The following ETHE1 variants were observed in gnomAD, a reference collection of about 807,000 sequenced individuals.
The protein encoded by ETHE1 is ETHE1 persulfide dioxygenase, also known as persulfide dioxygenase ETHE1, mitochondrial.
In ETHE1, 16 loss-of-function variants were observed where a neutral mutation model predicts 25.7. The ratio of observed to expected loss-of-function variants is 0.62; its 90% CI spans 0.42 to 0.95. The LOEUF (loss-of-function observed/expected upper bound fraction) is 0.95, where lower values mean the gene tolerates loss of function less well. ETHE1 is among the 40% of genes least tolerant of loss of function. ETHE1 has a pLI of 0.00. For synonymous variants in ETHE1, 139 were observed against 135.9 expected (o/e 1.02, Z -0.16); for missense variants, 300 against 333.6 (o/e 0.90, Z 0.79).
At chr19:43,521,943 T>C (rs1002726227) in intron 3 of ETHE1, among the ~76,000 whole-genome samples, 8 of 152,208 alleles carry the variant, frequency 5.3e-5, no homozygotes, top group African/African-American at 1.9e-4. Context: ...GGCTCATGCC[T>C]GTAATTCACT....
chr19:43,520,220 G>A (rs1036972480), intron 3 of ETHE1, among the ~76,000 whole-genome samples: 3 of 152,048 alleles, frequency 2.0e-5, no homozygotes, highest in Non-Finnish European at 4.4e-5. Flanking sequence ...GCTGGGTGTG[G>A]TGGCACTCGC....
At chr19:43,508,459 T>C (rs1971839786) in intron 5 of ETHE1, among the ~76,000 whole-genome samples, 1 of 148,810 alleles carries the variant, frequency 6.7e-6, no homozygotes, top group Non-Finnish European at 1.5e-5. Context: ...GCAATCCTTC[T>C]ACCACAGCCT....
At chr19:43,510,822 GTC>G (rs1971900009) in intron 4 of ETHE1, among the ~76,000 whole-genome samples, 1 of 151,980 alleles carries the variant, frequency 6.6e-6, no homozygotes, top group Non-Finnish European at 1.5e-5. Flanking sequence ...CCGGTCCGTG[GTC>G]TGTTAGGAAC....
intron 3 of ETHE1, among the ~76,000 whole-genome samples, chr19:43,517,909 C>T (rs1765308746): frequency 6.7e-6 from 1 of 150,182 alleles, no homozygotes; most frequent in African/African-American, 2.5e-5. Flanking sequence ...GAGATCATGC[C>T]ACTGCATTCC....
intron 3 of ETHE1, 101 bp downstream of exon 3, chr19:43,526,100 T>C: frequency 8.3e-6 from 13 of 1,572,214 alleles, no homozygotes; most frequent in Non-Finnish European, 1.0e-5. Flanking sequence ...CTGAGGTCCC[T>C]CCTCCCCAAG....
chr19:43,518,013 CAA>C (rs34782895), intron 3 of ETHE1, among the ~76,000 whole-genome samples: 1 of 139,870 alleles, frequency 7.1e-6, no homozygotes, highest in African/African-American at 2.6e-5. Flanking sequence ...GAGACTGTCT[CAA>C]AAAAAAAAGT....
chr19:43,514,442 C>T (rs528491126), intron 3 of ETHE1, among the ~76,000 whole-genome samples: 3 of 150,892 alleles, frequency 2.0e-5, no homozygotes, highest in Admixed American at 2.0e-4. Flanking sequence ...TGTGAGCCCA[C>T]TAAACCCCTT....
chr19:43,516,554 C>A (rs542019455), intron 3 of ETHE1, among the ~76,000 whole-genome samples: 26 of 152,048 alleles, frequency 1.7e-4, no homozygotes, highest in African/African-American at 6.3e-4. Context: ...CCTGCCTCAT[C>A]CTCCCAAAAT....
Position 43,526,971 on chromosome 19 carries a change from C to G in ETHE1, c.81+126G>C, listed in dbSNP as rs542216907. The G allele has an allele frequency of 1.9e-4, 290 of 1,530,272 alleles. 7 individuals carry two copies. The South Asian group carries it at 3.4e-3, about 18-fold the overall frequency. 94.8% of individuals were successfully genotyped at this position (1,530,272 alleles called of 1,614,324 possible). The stretch of plus-strand genomic sequence containing the variant: ...ACCCAAGAGTCCAGCCCTAAACCTC[C>G]ACCCCGCTTTCCGCAAGATGCAGGC... On this transcript the variant is annotated intron_variant, in intron 1 of 6. Transcript: ENST00000292147.
Position 43,508,032 on chromosome 19 carries a change from C to T in ETHE1, c.624G>A (p.Glu208=). The T allele has an allele frequency of 6.2e-7, 1 of 1,614,110 alleles. No homozygotes were observed. Among genetic ancestry groups the T allele is most frequent in the Non-Finnish European group, 8.5e-7 (1 of 1,180,008 alleles). The part of the protein sequence containing the change: ...HGFTVSTVEE[E]RTLNPRLTLS... ...GGGTGAGCCGAGGGTTCAGAGTCCT[C>T]TCCTCCTCCACGGTGGACACTGTGA... Residue 208 remains glutamate (E), a synonymous_variant, in exon 6 of 7, where the codon GAG becomes GAA. Transcript: ENST00000292147.
chr19:43,526,119 A>T, intron 3 of ETHE1, 82 bp downstream of exon 3: 1 of 1,603,036 alleles, frequency 6.2e-7, no homozygotes, highest in South Asian at 1.1e-5. Context: ...AGGACTCAGG[A>T]TCCCAGGCCC....
intron 4 of ETHE1, among the ~76,000 whole-genome samples, chr19:43,509,458 C>T (rs1191292723): frequency 2.0e-5 from 3 of 147,150 alleles, no homozygotes; most frequent in Non-Finnish European, 4.5e-5. Flanking sequence ...GATCACACCA[C>T]TGCCCTCCAG....
intron 6 of ETHE1, among the ~76,000 whole-genome samples, chr19:43,507,179 T>G (rs12977357): frequency 1.2e-4 from 1 of 8,100 alleles, no homozygotes; most frequent in Non-Finnish European, 2.4e-4. Flanking sequence ...AGCCCTTCCT[T>G]CCTCAGACCC....
chr19:43,521,202 C>T (rs1051533395), intron 3 of ETHE1, among the ~76,000 whole-genome samples: 17 of 151,940 alleles, frequency 1.1e-4, no homozygotes, highest in South Asian at 2.1e-4. Context: ...TGTGGTGGTG[C>T]GCACCTGTAA....
intron 4 of ETHE1, among the ~76,000 whole-genome samples, chr19:43,510,842 T>C (rs1235658316): frequency 6.6e-6 from 1 of 152,084 alleles, no homozygotes; most frequent in Non-Finnish European, 1.5e-5. Context: ...AACTGGGCTG[T>C]GCAGAAGGTG....
rs1460643071 is a variant in ETHE1 at position 43,508,011 on chromosome 19, G to A, written c.645C>T (p.Leu215=). The stretch of plus-strand genomic sequence containing the variant: ...TGACAAACTCCTCACAGCTGAGGGT[G>A]AGCCGAGGGTTCAGAGTCCTCTCCT... ...VEEERTLNPR[L]TLSCEEFVKI... The change falls in exon 6 of 7, where the codon CTC becomes CTT. Residue 215 remains leucine, a synonymous_variant. Transcript: ENST00000292147. The A allele has an allele frequency of 1.9e-6, 3 of 1,614,042 alleles. No individual in the cohort carries two copies. Among genetic ancestry groups the A allele is most frequent in the South Asian group, 2.2e-5 (2 of 91,084 alleles).
At chr19:43,514,577 C>T (rs894581209) in intron 3 of ETHE1, among the ~76,000 whole-genome samples, 1 of 151,488 alleles carries the variant, frequency 6.6e-6, no homozygotes, top group Non-Finnish European at 1.5e-5. Context: ...CCTCTGCCTC[C>T]CCAGTTCAAG....
chr19:43,517,205 A>G (rs962433736), intron 3 of ETHE1, among the ~76,000 whole-genome samples: 3 of 151,194 alleles, frequency 2.0e-5, no homozygotes, highest in African/African-American at 7.3e-5. Context: ...TCAGTATTCA[A>G]TAAATTACAT....
intron 3 of ETHE1, among the ~76,000 whole-genome samples, chr19:43,524,446 G>A (rs1027549344): frequency 2.6e-5 from 4 of 151,832 alleles, no homozygotes; most frequent in Admixed American, 6.6e-5. Flanking sequence ...GGAAGGATAG[G>A]GGTGATGGCT....
Sources: allele counts gnomAD v4.1 joint callset (sites outside exome capture counted in the v4.1 genomes callset), GRCh38; gene constraint gnomAD v4.1.1; transcripts MANE v1.5; gene names NCBI Gene and HGNC (gene_info 2026-07-23, HGNC 2026-07-21).